Variants in CATSPERD observed in about 807,000 individuals in gnomAD.
The protein encoded by CATSPERD is cation channel sperm-associated auxiliary subunit delta.
Under a neutral mutation model 98.1 loss-of-function variants are expected in CATSPERD, and 86 were observed. That is an observed-to-expected ratio of 0.88 (90% CI 0.74 to 1.05). CATSPERD has a LOEUF of 1.05. Among genes scored for constraint, CATSPERD ranks in the 50% least tolerant of loss-of-function variants. The pLI, the probability that CATSPERD is intolerant of heterozygous loss-of-function variation, is 0.00. For missense variants in CATSPERD, 995 were observed against 1,005.7 expected, an observed-to-expected ratio of 0.99 and a Z score of 0.14; for synonymous variants, 394 against 390.2, an observed-to-expected ratio of 1.01 and a Z score of -0.12.
rs71172765 is a variant in CATSPERD, at chr19:5,762,041, C to CATAT, written c.1428-1159_1428-1156dup. Among the ~76,000 whole-genome samples the CATAT allele has an allele frequency of 1.0e-3, 24 of 23,248 alleles. 1 individual carries two copies. Among genetic ancestry groups the CATAT allele is most frequent in the African/African-American group, 2.9e-3 (23 of 7,864 alleles). The allele number at this position is 23,248 out of a possible 152,430, so 15.3% of individuals were successfully genotyped here. A position where few individuals can be genotyped will look rare whatever the true frequency, so the allele number is the denominator to read the frequency against. ...GTGAGAGCCACTGCGCCTGGCCTGCCATATATATATATATATATTTTTTTT... is the reference window on the plus strand; with the variant it reads ...GTGAGAGCCACTGCGCCTGGCCTGCCATATATATATATATATATATATTTTTTTT... On this transcript the variant is annotated intron_variant, in intron 15 of 21. Transcript: ENST00000381624.
At chr19:5,755,549 C>T (rs918452291) in intron 13 of CATSPERD, among the ~76,000 whole-genome samples, 2 of 151,676 alleles carry the variant, frequency 1.3e-5, no homozygotes, top group East Asian at 1.9e-4. Flanking sequence ...GTGGGAAGAT[C>T]GCTTGAACCC....
intron 3 of CATSPERD, among the ~76,000 whole-genome samples, chr19:5,728,712 T>C (rs889006904): frequency 1.3e-5 from 2 of 150,556 alleles, no homozygotes; most frequent in Non-Finnish European, 3.0e-5. Flanking sequence ...TCTCTTTTTT[T>C]TTTTGAGACA....
At chr19:5,763,659 G>A (rs1029226728) in intron 16 of CATSPERD, among the ~76,000 whole-genome samples, 1 of 151,822 alleles carries the variant, frequency 6.6e-6, no homozygotes, top group Non-Finnish European at 1.5e-5. Context: ...GGGGATGATT[G>A]AAGCAGTTGA....
chr19:5,759,173 C>G (rs774327850), intron 15 of CATSPERD, 29 bp downstream of exon 15: 2 of 1,605,230 alleles, frequency 1.2e-6, no homozygotes, highest in Non-Finnish European at 1.7e-6. Flanking sequence ...GAGGCGGGGA[C>G]TGGGCTGCCT....
At chr19:5,743,648 G>GTCTC (rs148496323) in intron 7 of CATSPERD, among the ~76,000 whole-genome samples, 39 of 144,974 alleles carry the variant, frequency 2.7e-4, no homozygotes, top group Admixed American at 1.2e-3. Context: ...CTCTGTCTCT[G>GTCTC]TCTCTCTCTC....
Position 5,727,067 on chromosome 19 carries a change from C to T in CATSPERD, c.127-201C>T, listed in dbSNP as rs188318200. 5.2e-3 allele frequency among the ~76,000 whole-genome samples: 792 copies of T among 152,118 alleles called. 4 individuals carry two copies. Among genetic ancestry groups the T allele is most frequent in the African/African-American group, 0.018 (737 of 41,516 alleles). On this transcript the variant is annotated intron_variant, in intron 2 of 21. Transcript: ENST00000381624. ...AAAACCAGCCGGGCATGGTGGCGGG[C>T]GCCTGTAGTCCCAGCTACTCGGGAG...
chr19:5,744,330 T>C (rs2145750933), intron 7 of CATSPERD, 97 bp from the exon 8 acceptor site: 1 of 1,061,400 alleles, frequency 9.4e-7, no homozygotes, highest in Non-Finnish European at 1.4e-6. Flanking sequence ...AAAAAGACTT[T>C]CCTTCATTGT....
Position 5,778,654 on chromosome 19 carries a change from A to C in CATSPERD, c.2375A>C (p.His792Pro). The change falls in exon 22 of 22, where the codon CAC (histidine) becomes CCC (proline). Residue 792 changes from histidine (H) to proline (P), a missense_variant. Physicochemically the swap from His to Pro is moderately conservative, Grantham distance 77. Around this residue, in one of 3 missense-constraint regions of CATSPERD, gnomAD observed 762 missense variants for 773.7 expected, o/e 0.98. Coordinates refer to ENST00000381624, the MANE Select transcript of CATSPERD (RefSeq NM_152784.4). ...CCCCCGGGACGCCACCGCACTCCTC[A>C]CGGAGGCAGGTCTGACCACTGAGGC... is the stretch of plus-strand genomic sequence containing the variant. ...TEPPGRHRTPHGGRSDH is the reference protein window; with the variant it reads ...TEPPGRHRTPPGGRSDH 1 of 1,613,294 alleles carries C rather than the reference A, an allele frequency of 6.2e-7. No homozygotes were observed. The highest frequency in any genetic ancestry group is 1.1e-5 in the South Asian group (1 of 91,054).
rs181304583 is a variant in CATSPERD, at chr19:5,720,996, C to T, written c.71+188C>T. Among the ~76,000 whole-genome samples, 1,385 of 150,362 alleles carry T rather than the reference C, an allele frequency of 9.2e-3. 22 individuals are homozygous for T. The highest frequency in any genetic ancestry group is 0.032 in the African/African-American group (1,305 of 40,308). On this transcript the variant is annotated intron_variant, in intron 1 of 21. Transcript: ENST00000381624. ...CCCAGCCCGATATTAAGCTCTCCTACCTCTTTTTTTTTTTTTTTTTGAGAC... is the reference window on the plus strand; with the variant it reads ...CCCAGCCCGATATTAAGCTCTCCTATCTCTTTTTTTTTTTTTTTTTGAGAC...
At chr19:5,752,490 A>G (rs1434724706) in intron 12 of CATSPERD, among the ~76,000 whole-genome samples, 1 of 152,046 alleles carries the variant, frequency 6.6e-6, no homozygotes, top group African/African-American at 2.4e-5. Flanking sequence ...CACTAATTTA[A>G]AAAAAGAGAA....
chr19:5,738,263 C>T (rs1221231568), intron 6 of CATSPERD, among the ~76,000 whole-genome samples: 1 of 150,864 alleles, frequency 6.6e-6, no homozygotes, highest in Non-Finnish European at 1.5e-5. Flanking sequence ...AAAAATTAGC[C>T]AGGCGTGCTG....
chr19:5,754,393 CTTTT>C (rs749080620), intron 13 of CATSPERD, 148 bp downstream of exon 13: 2,458 of 229,578 alleles, frequency 0.011, 7 homozygotes, highest in East Asian at 0.014. Context: ...GTCTCTGTGT[CTTTT>C]TTTTTTTTTT....
In CATSPERD at chr19:5,724,836, T is replaced by C. The variant is rs754145959; in HGVS notation, c.100T>C (p.Phe34Leu). Residue 34 changes from phenylalanine to leucine, a missense_variant, in exon 2 of 22, where the codon TTT becomes CTT. By Grantham distance (22) the Phe-to-Leu change is conservative. Around this residue, in one of 3 missense-constraint regions of CATSPERD, gnomAD observed 228 missense variants for 209.6 expected, o/e 1.09. Transcript: ENST00000381624. ...TCGCACAGTGAGGACAGGAAAAGTG[T>C]TTAATCTGATACAGGACGTTCAAGG... ...RSRTVRTGKVFNLIQDVQGDR... is the reference protein window; with the variant it reads ...RSRTVRTGKVLNLIQDVQGDR... The C allele has an allele frequency of 6.2e-7, 1 of 1,614,104 alleles. No homozygotes were observed.
chr19:5,757,796 C>A (rs766345926), intron 13 of CATSPERD, 47 bp from the exon 14 acceptor site: 16 of 1,497,106 alleles, frequency 1.1e-5, no homozygotes, highest in Non-Finnish European at 1.5e-5. Flanking sequence ...TCACCCCGTC[C>A]TGCCTGCTGG....
chr19:5,752,300 C>T (rs1004773511), intron 12 of CATSPERD, among the ~76,000 whole-genome samples: 5 of 151,430 alleles, frequency 3.3e-5, no homozygotes, highest in Non-Finnish European at 7.4e-5. Context: ...CAGAGCGAGA[C>T]TTCGTCTCAA....
Position 5,776,324 on chromosome 19 carries a change from G to A in CATSPERD, c.2096+9G>A, listed in dbSNP as rs2056742045. 6.2e-7 allele frequency: 1 copy of A among 1,613,064 alleles called. No individual in the cohort carries two copies. Among genetic ancestry groups the A allele is most frequent in the Non-Finnish European group, 8.5e-7 (1 of 1,179,168 alleles). Reference sequence around the variant, plus strand: ...GTGGATCCGTACTACAGGTGAGTGGGCCCATCTGCCCCTACGACAGGGGAC... The same window carrying A: ...GTGGATCCGTACTACAGGTGAGTGGACCCATCTGCCCCTACGACAGGGGAC... On this transcript the variant is annotated intron_variant, in intron 21 of 21. Coordinates refer to ENST00000381624, the MANE Select transcript of CATSPERD (RefSeq NM_152784.4).
intron 6 of CATSPERD, among the ~76,000 whole-genome samples, chr19:5,737,540 C>A (rs561071160): frequency 0.018 from 1,476 of 84,136 alleles, 25 homozygotes; most frequent in Non-Finnish European, 0.018. Flanking sequence ...ACTAGCAAGA[C>A]TCTGTCAAAA....
At chr19:5,728,140 A>G (rs1568339971) in intron 3 of CATSPERD, among the ~76,000 whole-genome samples, 1 of 151,662 alleles carries the variant, frequency 6.6e-6, no homozygotes, top group East Asian at 1.9e-4. Context: ...TGGGGGGATC[A>G]CGAGGTCAAG....
Position 5,763,284 on chromosome 19 carries a change from C to G in CATSPERD, c.1497C>G (p.Ile499Met). 6.2e-7 allele frequency: 1 copy of G among 1,613,506 alleles called. No homozygotes were observed. Among genetic ancestry groups the G allele is most frequent in the Non-Finnish European group, 8.5e-7 (1 of 1,179,466 alleles). ...IANKEISCVD[I>M]KPLSTLISVG... ...ACAAGGAAATTTCATGTGTGGATAT[C>G]AAGCCACTGGTAGGTCCCAAATCTT... Residue 499 changes from isoleucine to methionine, a missense_variant, in exon 16 of 22, where the codon ATC (isoleucine) becomes ATG (methionine). Transcript: ENST00000381624.
Sources: allele counts gnomAD v4.1 joint callset (sites outside exome capture counted in the v4.1 genomes callset), GRCh38; gene constraint gnomAD v4.1.1; regional missense constraint gnomAD v4.1.1; transcripts MANE v1.5; gene names NCBI Gene and HGNC (gene_info 2026-07-23, HGNC 2026-07-21).